The following TXNRD1 variants were observed in gnomAD, a reference collection of about 807,000 sequenced individuals.
TXNRD1 encodes the protein thioredoxin reductase 1, cytoplasmic.
In TXNRD1, 57 loss-of-function variants were observed where a neutral mutation model predicts 80.3. The observed-to-expected ratio is 0.71, with a 90% confidence interval of 0.57 to 0.89. The LOEUF (loss-of-function observed/expected upper bound fraction) is 0.89. Ranked by LOEUF, TXNRD1 falls within the 40% of genes least tolerant of loss-of-function variation. The probability of loss-of-function intolerance (pLI) is 0.00; values close to 1 mark genes in which losing one functional copy is unlikely to be tolerated. For synonymous variants in TXNRD1, 291 were observed against 285.2 expected (o/e 1.02, Z -0.20); for missense variants, 730 against 803.0 (o/e 0.91, Z 1.10).
At chr12:104,286,818 A>G in intron 3 of TXNRD1, 1 of 1,046,760 alleles carries the variant, frequency 9.6e-7, no homozygotes, top group Non-Finnish European at 1.2e-6. Flanking sequence ...CTCTGTTCTT[A>G]GGTTGGGGGC....
intron 12 of TXNRD1, among the ~76,000 whole-genome samples, chr12:104,326,813 A>G (rs1271434362): frequency 1.3e-5 from 2 of 150,842 alleles, no homozygotes; most frequent in East Asian, 1.9e-4. Context: ...GCATTGGTCA[A>G]TTATAGAATT....
intron 10 of TXNRD1, among the ~76,000 whole-genome samples, chr12:104,324,571 C>CG (rs1565904238): frequency 1.3e-5 from 2 of 151,604 alleles, no homozygotes; most frequent in African/African-American, 4.9e-5. Context: ...AGGCTGGTCT[C>CG]GATCTCCTGA....
chr12:104,283,025 CAATG>C (rs1362686354), intron 3 of TXNRD1: 1 of 152,032 alleles, frequency 6.6e-6, no homozygotes, highest in Admixed American at 6.6e-5. Context: ...GGTAAAACAA[CAATG>C]CATTTGTATG....
intron 3 of TXNRD1, chr12:104,265,978 T>G: frequency 1.7e-6 from 1 of 594,208 alleles, no homozygotes; most frequent in Non-Finnish European, 2.9e-6. Context: ...AGAAAAGAAA[T>G]AATAATAGGT....
At chr12:104,262,975 C>T (rs2033401398) in intron 3 of TXNRD1, among the ~76,000 whole-genome samples, 1 of 152,130 alleles carries the variant, frequency 6.6e-6, no homozygotes, top group Non-Finnish European at 1.5e-5. Context: ...CTAACATTTT[C>T]TTCTTCCTTC....
At chr12:104,215,979 G>A (rs2032198264) in intron 1 of TXNRD1, 86 bp downstream of exon 1, 4 of 1,195,078 alleles carry the variant, frequency 3.3e-6, no homozygotes, top group Non-Finnish European at 4.7e-6. Flanking sequence ...GTGCCCCGGA[G>A]CCCTGGCCTT....
intron 16 of TXNRD1, 114 bp from the exon 17 acceptor site, chr12:104,348,239 T>G (rs1222972042): frequency 1.3e-5 from 11 of 844,320 alleles, no homozygotes; most frequent in Middle Eastern, 4.5e-4. Flanking sequence ...TCTGTTTTAT[T>G]CATTTTGGTA....
At chr12:104,291,761 C>T (rs969550055) in intron 4 of TXNRD1, among the ~76,000 whole-genome samples, 7 of 152,258 alleles carry the variant, frequency 4.6e-5, no homozygotes, top group African/African-American at 1.4e-4. Context: ...GGATTATGGG[C>T]GTGAGCCACC....
intron 3 of TXNRD1, among the ~76,000 whole-genome samples, chr12:104,258,956 C>G (rs2033309168): frequency 6.6e-6 from 1 of 152,020 alleles, no homozygotes; most frequent in Non-Finnish European, 1.5e-5. Flanking sequence ...CTGCTAGTGG[C>G]CAGCACCATC....
At chr12:104,332,516 G>A (rs567059767) in intron 14 of TXNRD1, among the ~76,000 whole-genome samples, 21 of 152,068 alleles carry the variant, frequency 1.4e-4, no homozygotes, top group African/African-American at 4.6e-4. Context: ...TTGGGAGGCC[G>A]AGGTGGGTGG....
chr12:104,325,687 C>T (rs1163621066), intron 11 of TXNRD1, among the ~76,000 whole-genome samples: 10 of 152,140 alleles, frequency 6.6e-5, no homozygotes, highest in Admixed American at 2.0e-4. Flanking sequence ...TCCTGGCCAA[C>T]GTGGTGAAAC....
At chr12:104,237,829 A>G (rs1247120307) in intron 1 of TXNRD1, among the ~76,000 whole-genome samples, 1 of 152,102 alleles carries the variant, frequency 6.6e-6, no homozygotes, top group East Asian at 1.9e-4. Flanking sequence ...CCTGGCCAAT[A>G]TGGTAAAACC....
chr12:104,279,223 G>C (rs2033826117), intron 3 of TXNRD1, among the ~76,000 whole-genome samples: 1 of 152,218 alleles, frequency 6.6e-6, no homozygotes, highest in East Asian at 1.9e-4. Context: ...CTTGGACTGT[G>C]CTATTCTAGA....
chr12:104,305,233 C>T (rs1237127704), intron 4 of TXNRD1: 1 of 226,342 alleles, frequency 4.4e-6, no homozygotes, highest in Non-Finnish European at 9.0e-6. Flanking sequence ...ATTTGCAAAA[C>T]ATAATAATTT....
At chr12:104,222,584 G>A (rs576637248) in intron 1 of TXNRD1, among the ~76,000 whole-genome samples, 46 of 152,308 alleles carry the variant, frequency 3.0e-4, no homozygotes, top group Non-Finnish European at 4.9e-4. Context: ...CAGATGCAGT[G>A]GCTCATGCCT....
At chr12:104,313,460 T>A (rs1375087619) in intron 6 of TXNRD1, 143 bp downstream of exon 6, 2 of 623,300 alleles carry the variant, frequency 3.2e-6, no homozygotes. Flanking sequence ...TATCTTTTAT[T>A]TGAGCCAAGT....
chr12:104,325,433 A>C lies in TXNRD1; in HGVS notation c.1308+4A>C. On this transcript the variant is annotated splice_donor_region_variant and intron_variant, in intron 11 of 16. Transcript: ENST00000525566. ...CATTGAAGGAGAATATAATACGGTA[A>C]GGAATGGGCCCAGGTTAATACTTTA... The C allele has an allele frequency of 6.3e-7, 1 of 1,599,456 alleles. No individual in the cohort carries two copies. Among genetic ancestry groups the C allele is most frequent in the Non-Finnish European group, 8.6e-7 (1 of 1,167,936 alleles).
chr12:104,315,895 A>G lies in TXNRD1; in HGVS notation c.729A>G (p.Thr243=), dbSNP rs2035309543. 1 of 1,608,494 alleles carries G rather than the reference A, an allele frequency of 6.2e-7. No homozygotes were observed. The highest frequency in any genetic ancestry group is 1.7e-5 in the Admixed American group (1 of 59,812). ...SRNYGWKVEE[T]VKHDWDRMIE... is the part of the protein sequence containing the mutation. ...ATTATGGATGGAAAGTCGAGGAGACAGGTATGAGAGGGAAAAGCTACTCTT... is the reference window on the plus strand; with the variant it reads ...ATTATGGATGGAAAGTCGAGGAGACGGGTATGAGAGGGAAAAGCTACTCTT... The change falls in exon 7 of 17, where the codon ACA becomes ACG. Residue 243 remains threonine, a splice_region_variant and synonymous_variant. Transcript: ENST00000525566.
intron 4 of TXNRD1, among the ~76,000 whole-genome samples, chr12:104,296,533 T>G (rs1379953920): frequency 6.6e-6 from 1 of 152,222 alleles, no homozygotes; most frequent in African/African-American, 2.4e-5. Flanking sequence ...CTCAGCCGCC[T>G]GAGTATCTGG....
Sources: gnomAD v4.1 joint callset for allele counts (sites outside exome capture counted in the v4.1 genomes callset) on GRCh38, gnomAD v4.1.1 for gene constraint, MANE v1.5 for transcripts, NCBI Gene and HGNC (gene_info 2026-07-23, HGNC 2026-07-21) for gene names.